The following HDAC9 variants were observed in gnomAD, a reference collection of about 807,000 sequenced individuals.
HDAC9 encodes the protein MEF-2 interacting transcription repressor (MITR) protein.
In HDAC9, 41 loss-of-function variants were observed where a neutral mutation model predicts 139.4. The ratio of observed to expected loss-of-function variants is 0.29; its 90% confidence interval spans 0.23 to 0.38. The LOEUF (loss-of-function observed/expected upper bound fraction) is 0.38. HDAC9 is among the 10% of genes least tolerant of loss of function. HDAC9 has a pLI of 1.00. For missense variants in HDAC9, 1,147 were observed against 1,297.0 expected (o/e 0.88, Z 1.78); for synonymous variants, 517 against 476.2 (o/e 1.09, Z -1.12).
chr7:18,235,383 C>G (rs184456463), intron 2 of HDAC9, among the ~76,000 whole-genome samples: 1 of 151,926 alleles, frequency 6.6e-6, no homozygotes, highest in African/African-American at 2.4e-5. Context: ...AAACAATGCA[C>G]AAGTTTTGAT....
At chr7:18,605,827 C>T (rs779052968) in intron 6 of HDAC9, among the ~76,000 whole-genome samples, 14 of 152,072 alleles carry the variant, frequency 9.2e-5, no homozygotes, top group Non-Finnish European at 1.9e-4. Flanking sequence ...ACTACAGGCG[C>T]CCTCCACCAT....
chr7:18,490,016 G>A (rs1489977578), intron 1 of HDAC9, among the ~76,000 whole-genome samples: 1 of 151,964 alleles, frequency 6.6e-6, no homozygotes, highest in Non-Finnish European at 1.5e-5. Context: ...TTCATACTCC[G>A]AATATTGATA....
At position 18,834,434 on chromosome 7, in the gene HDAC9, A is replaced by G. The variant is rs549001629; in HGVS notation, c.2467-1033A>G. Among the ~76,000 whole-genome samples the G allele has an allele frequency of 5.3e-5, 8 of 151,080 alleles. No homozygotes were observed. The South Asian group carries it at 1.7e-3, about 32-fold the overall frequency. ...TGAAGACATTTAAAATAATGCTATT[A>G]GTTCTATTGACTTTTTCATTTCTTA... On this transcript the variant is annotated intron_variant, in intron 19 of 25. Coordinates refer to ENST00000686413, the MANE Select transcript of HDAC9 (RefSeq NM_178425.4).
chr7:18,250,225 G>A (rs1318993177), intron 2 of HDAC9, among the ~76,000 whole-genome samples: 4 of 152,256 alleles, frequency 2.6e-5, no homozygotes, highest in South Asian at 2.1e-4. Context: ...AGAGCAAACA[G>A]CATTGGGTTT....
chr7:18,101,088 C>G (rs1403515553), intron 1 of HDAC9, among the ~76,000 whole-genome samples: 6 of 152,124 alleles, frequency 3.9e-5, no homozygotes, highest in African/African-American at 1.4e-4. Flanking sequence ...GGGTTGTTTT[C>G]TCACATCTGT....
intron 2 of HDAC9, among the ~76,000 whole-genome samples, chr7:18,576,124 G>A (rs953697409): frequency 5.3e-5 from 8 of 152,292 alleles, no homozygotes; most frequent in Admixed American, 4.6e-4. Context: ...AACACATATG[G>A]AAAATCTCTG....
At chr7:18,322,116 A>G (rs1448606149) in intron 1 of HDAC9, among the ~76,000 whole-genome samples, 1 of 152,184 alleles carries the variant, frequency 6.6e-6, no homozygotes, top group Non-Finnish European at 1.5e-5. Flanking sequence ...TATCATCTAC[A>G]TGTAAAGCCT....
chr7:18,962,185 CTG>C (rs1488628782), intron 24 of HDAC9, among the ~76,000 whole-genome samples: 1 of 152,196 alleles, frequency 6.6e-6, no homozygotes, highest in Non-Finnish European at 1.5e-5. Flanking sequence ...AAAGCCCTGA[CTG>C]TTGTCAGGTG....
In HDAC9 at chr7:18,282,272, A is replaced by G. The variant is rs116111424; in HGVS notation, c.25+119923A>G. Among the ~76,000 whole-genome samples, 705 of 152,328 alleles carry G rather than the reference A, an allele frequency of 4.6e-3. 4 individuals carry two copies. Among genetic ancestry groups the G allele is most frequent in the African/African-American group, 0.016 (663 of 41,572 alleles). ...ATAAACCTTATTTAATATTCACAGCAATTCTATGGAATAGGTATTATAAAT... is the reference window on the plus strand; with the variant it reads ...ATAAACCTTATTTAATATTCACAGCGATTCTATGGAATAGGTATTATAAAT... On this transcript the variant is annotated intron_variant, in intron 2 of 12. Coordinates refer to the HDAC9 transcript ENST00000417496.
intron 11 of HDAC9, among the ~76,000 whole-genome samples, chr7:18,662,387 A>C (rs980191141): frequency 6.8e-6 from 1 of 147,278 alleles, no homozygotes; most frequent in African/African-American, 2.5e-5. Context: ...TTTTATTGTG[A>C]AGGGAGGTAT....
chr7:18,789,098 G>T (rs1182835851), intron 16 of HDAC9, among the ~76,000 whole-genome samples: 1 of 152,074 alleles, frequency 6.6e-6, no homozygotes, highest in Non-Finnish European at 1.5e-5. Flanking sequence ...AGACAACCAG[G>T]TTCAGTTCTT....
intron 13 of HDAC9, among the ~76,000 whole-genome samples, chr7:18,742,805 GA>G (rs975785791): frequency 1.3e-5 from 2 of 151,968 alleles, no homozygotes; most frequent in African/African-American, 4.8e-5. Context: ...CTCCAGTATA[GA>G]TTTTAATTTT....
intron 25 of HDAC9, among the ~76,000 whole-genome samples, chr7:18,994,911 C>T (rs923668281): frequency 1.3e-5 from 2 of 152,028 alleles, no homozygotes. Flanking sequence ...TGAAAACCAC[C>T]CCTCTATTAT....
intron 1 of HDAC9, among the ~76,000 whole-genome samples, chr7:18,432,967 A>G (rs930066456): frequency 1.3e-5 from 2 of 151,178 alleles, no homozygotes; most frequent in Non-Finnish European, 3.0e-5. Context: ...AAAAAAAAAG[A>G]AAAGAAATAC....
intron 1 of HDAC9, among the ~76,000 whole-genome samples, chr7:18,460,017 A>G (rs761163490): frequency 6.7e-6 from 1 of 148,674 alleles, no homozygotes; most frequent in Non-Finnish European, 1.5e-5. Flanking sequence ...ATTCCTGGGC[A>G]CAGGCAATCT....
chr7:18,618,426 C>A (rs1420820018), intron 6 of HDAC9, among the ~76,000 whole-genome samples: 3 of 151,732 alleles, frequency 2.0e-5, no homozygotes, highest in Admixed American at 6.6e-5. Flanking sequence ...ATGATGATAC[C>A]CAGGATATTA....
intron 2 of HDAC9, among the ~76,000 whole-genome samples, chr7:18,565,848 A>ATT (rs35924732): frequency 7.7e-4 from 112 of 146,166 alleles, no homozygotes; most frequent in African/African-American, 2.1e-3. Context: ...AATGTGGATA[A>ATT]TTTTTTTTTT....
chr7:18,124,059 A>G (rs1349097006), intron 1 of HDAC9, among the ~76,000 whole-genome samples: 1 of 152,124 alleles, frequency 6.6e-6, no homozygotes, highest in African/African-American at 2.4e-5. Flanking sequence ...CAGAACCCTG[A>G]CTCACAGCCT....
At chr7:18,449,449 A>G (rs1016195285) in intron 1 of HDAC9, among the ~76,000 whole-genome samples, 4 of 152,304 alleles carry the variant, frequency 2.6e-5, no homozygotes, top group African/African-American at 7.2e-5. Context: ...AAGTCTGGCT[A>G]GTAGTTACTT....
Sources: allele counts gnomAD v4.1 joint callset (sites outside exome capture counted in the v4.1 genomes callset), GRCh38; gene constraint gnomAD v4.1.1; transcripts MANE v1.5; gene names NCBI Gene and HGNC (gene_info 2026-07-23, HGNC 2026-07-21).